The following NUP133 variants were observed in gnomAD, a reference collection of about 807,000 sequenced individuals.
The protein encoded by NUP133 is nucleoporin 133.
NUP133 carries 66 observed loss-of-function variants against 146.2 expected under a neutral mutation model. That is an observed-to-expected ratio of 0.45 (90% CI 0.37 to 0.55). NUP133 has a LOEUF of 0.55. NUP133 is among the 20% of genes least tolerant of loss of function. NUP133 has a pLI of 0.00. For synonymous variants in NUP133, 521 were observed against 498.8 expected (o/e 1.04, Z -0.59); for missense variants, 1,277 against 1,374.8 (o/e 0.93, Z 1.12).
chr1:229,493,502 G>A (rs891210116), intron 8 of NUP133, among the ~76,000 whole-genome samples: 22 of 152,170 alleles, frequency 1.4e-4, no homozygotes, highest in African/African-American at 5.1e-4. Flanking sequence ...TATAAGCCCA[G>A]ATTGTAGCTC....
intron 14 of NUP133, among the ~76,000 whole-genome samples, chr1:229,475,363 C>T (rs1313713111): frequency 6.6e-6 from 1 of 151,886 alleles, no homozygotes; most frequent in Non-Finnish European, 1.5e-5. Flanking sequence ...AAAAGTCATA[C>T]ATAAAAATCT....
At position 229,500,746 on chromosome 1, in the gene NUP133, A is replaced by C. The variant is rs1661776138; in HGVS notation, c.513+10T>G. On this transcript the variant is annotated intron_variant, in intron 4 of 25. Transcript: ENST00000261396. Reference sequence around the variant, plus strand: ...AAAAGTTTATTTAAATAAGCTTTTAAGTCACCTACCTGAGTAGAATGTGCT... The same window carrying C: ...AAAAGTTTATTTAAATAAGCTTTTACGTCACCTACCTGAGTAGAATGTGCT... 4.5e-6 allele frequency: 7 copies of C among 1,553,670 alleles called. No individual in the cohort carries two copies. The highest frequency in any genetic ancestry group is 6.2e-6 in the Non-Finnish European group (7 of 1,134,160).
At chr1:229,474,045 C>T (rs1220046744) in intron 14 of NUP133, among the ~76,000 whole-genome samples, 3 of 152,214 alleles carry the variant, frequency 2.0e-5, no homozygotes, top group Non-Finnish European at 4.4e-5. Flanking sequence ...GAGATGAGCC[C>T]TTAAGAAGCC....
chr1:229,477,841 T>C, intron 12 of NUP133, 81 bp from the exon 13 acceptor site: 2 of 1,053,898 alleles, frequency 1.9e-6, no homozygotes, highest in South Asian at 1.8e-5. Flanking sequence ...AATTATGGAC[T>C]ACTATTCAGC....
At chr1:229,442,119 C>T in intron 25 of NUP133, 79 bp from the exon 26 acceptor site, 3 of 1,353,410 alleles carry the variant, frequency 2.2e-6, no homozygotes, top group Non-Finnish European at 3.0e-6. Context: ...ATGACAAAAG[C>T]ACCTGTGCTT....
In NUP133 at chr1:229,478,580, A is replaced by C. The variant is rs552998804; in HGVS notation, c.1593-820T>G. ...CACCCAGGGAGCAAGAGTTTGGAAA[A>C]AACTTGCAGGATAACCAATTAAAGG... is the stretch of plus-strand genomic sequence containing the variant. On this transcript the variant is annotated intron_variant, in intron 12 of 25. Transcript: ENST00000261396. 2.7e-3 allele frequency among the ~76,000 whole-genome samples: 410 copies of C among 152,264 alleles called. 3 individuals carry two copies. The highest frequency in any genetic ancestry group is 9.5e-3 in the African/African-American group (394 of 41,536).
chr1:229,472,120 C>A (rs958860550), intron 14 of NUP133, among the ~76,000 whole-genome samples: 1 of 150,040 alleles, frequency 6.7e-6, no homozygotes, highest in Non-Finnish European at 1.5e-5. Flanking sequence ...GAGATCGAGA[C>A]CATCCTGGCT....
intron 2 of NUP133, among the ~76,000 whole-genome samples, chr1:229,503,740 C>T (rs1661864007): frequency 1.3e-5 from 2 of 152,184 alleles, no homozygotes; most frequent in Admixed American, 6.5e-5. Context: ...ACTCCAGATC[C>T]TCGACCGGTG....
At chr1:229,485,738 G>A (rs975543774) in intron 11 of NUP133, among the ~76,000 whole-genome samples, 3 of 152,134 alleles carry the variant, frequency 2.0e-5, no homozygotes, top group Admixed American at 1.3e-4. Flanking sequence ...ATCACTAAAA[G>A]GCTTAAATGT....
chr1:229,482,689 C>G (rs557309244), intron 12 of NUP133, among the ~76,000 whole-genome samples: 1 of 152,238 alleles, frequency 6.6e-6, no homozygotes, highest in East Asian at 1.9e-4. Flanking sequence ...CACTCCCCAC[C>G]CCATACGCGC....
chr1:229,443,115 T>A (rs1301430413), intron 25 of NUP133, among the ~76,000 whole-genome samples: 2 of 151,984 alleles, frequency 1.3e-5, no homozygotes, highest in Non-Finnish European at 2.9e-5. Flanking sequence ...GTAGCTTCAA[T>A]CCTTTGACCT....
At chr1:229,442,501 A>G (rs1482562904) in intron 25 of NUP133, among the ~76,000 whole-genome samples, 1 of 152,254 alleles carries the variant, frequency 6.6e-6, no homozygotes, top group African/African-American at 2.4e-5. Context: ...CTGAAAAGAC[A>G]GTGAACATGA....
At chr1:229,492,437 A>G (rs1661548681) in intron 8 of NUP133, among the ~76,000 whole-genome samples, 1 of 152,110 alleles carries the variant, frequency 6.6e-6, no homozygotes, top group Non-Finnish European at 1.5e-5. Flanking sequence ...TCAAGTCTCA[A>G]AAAGATTAAA....
intron 5 of NUP133, chr1:229,499,155 C>T (rs1170636960): frequency 2.1e-6 from 1 of 468,582 alleles, no homozygotes; most frequent in Admixed American, 2.4e-5. Flanking sequence ...CCGCTTCAGC[C>T]ATTCAAAGTG....
chr1:229,508,083 C>T lies in NUP133; in HGVS notation c.167G>A (p.Ser56Asn). 1 of 1,501,644 alleles carries T rather than the reference C, an allele frequency of 6.7e-7. No homozygotes were observed. The highest frequency in any genetic ancestry group is 2.6e-5 in the East Asian group (1 of 38,562). The allele number at this position is 1,501,644 out of a possible 1,614,324, so 93.0% of individuals were successfully genotyped here. Reference protein sequence around the residue: ...PVLFSPVGRRSSLSSRGTPTR... With the variant: ...PVLFSPVGRRNSLSSRGTPTR... The stretch of plus-strand genomic sequence containing the variant: ...GATCACTTACCGCGAGCTTAGCGAG[C>T]TACGCCGGCCGACCGGCGAGAAGAG... Residue 56 changes from serine to asparagine, a missense_variant, in exon 1 of 26, where the codon AGC becomes AAC. Ser to Asn is a conservative substitution (Grantham distance 46, BLOSUM62 1). Around this residue, in one of 3 missense-constraint regions of NUP133, gnomAD observed 319 missense variants for 306.9 expected, o/e 1.04. Transcript: ENST00000261396.
At chr1:229,465,163 C>T (rs1363607881) in intron 17 of NUP133, among the ~76,000 whole-genome samples, 1 of 152,190 alleles carries the variant, frequency 6.6e-6, no homozygotes, top group African/African-American at 2.4e-5. Context: ...CCTCCGGGGC[C>T]AGGACTGCTT....
At chr1:229,470,421 G>A (rs1660927978) in intron 15 of NUP133, among the ~76,000 whole-genome samples, 159 bp downstream of exon 15, 1 of 152,164 alleles carries the variant, frequency 6.6e-6, no homozygotes, top group African/African-American at 2.4e-5. Flanking sequence ...TGATCAATGA[G>A]ACTTCTGAGT....
At chr1:229,452,451 T>A (rs1660472520) in intron 22 of NUP133, 74 bp downstream of exon 22, 1 of 1,163,152 alleles carries the variant, frequency 8.6e-7, no homozygotes, top group South Asian at 1.5e-5. Context: ...TTAGGAACTA[T>A]ACTACATGGC....
chr1:229,489,945 T>A lies in NUP133; in HGVS notation c.1194+10A>T. The A allele has an allele frequency of 6.4e-7, 1 of 1,573,636 alleles. No homozygotes were observed. The highest frequency in any genetic ancestry group is 8.6e-7 in the Non-Finnish European group (1 of 1,157,878). ...TTATTGCTTTGTAATTTAACCAATATAAATCTTACCTGAAAAGGTGGATTA... is the reference window on the plus strand; with the variant it reads ...TTATTGCTTTGTAATTTAACCAATAAAAATCTTACCTGAAAAGGTGGATTA... On this transcript the variant is annotated intron_variant, in intron 9 of 25. Transcript: ENST00000261396.
Sources: allele counts gnomAD v4.1 joint callset (sites outside exome capture counted in the v4.1 genomes callset), GRCh38; gene constraint gnomAD v4.1.1; regional missense constraint gnomAD v4.1.1; transcripts MANE v1.5; gene names NCBI Gene and HGNC (gene_info 2026-07-23, HGNC 2026-07-21).